Variants in IGSF5 observed in about 807,000 individuals in gnomAD.
The protein encoded by IGSF5 is immunoglobulin superfamily member 5, also known as immunoglobulin superfamily 5 like.
A neutral mutation model predicts 39.4 loss-of-function variants in IGSF5; 41 were observed. The ratio of observed to expected loss-of-function variants is 1.04; its 90% CI spans 0.81 to 1.35. The LOEUF is 1.35. Among genes scored for constraint, IGSF5 ranks in the 40% most tolerant of loss-of-function variants. The pLI, the probability that IGSF5 is intolerant of heterozygous loss-of-function variation, is 0.00. For missense variants in IGSF5, 487 were observed against 494.6 expected (o/e 0.98, Z 0.15); for synonymous variants, 183 against 175.3 (o/e 1.04, Z -0.34).
At chr21:39,725,470 C>T in the IGSF5 span, among the ~76,000 whole-genome samples, 1 of 152,164 alleles carries the variant, frequency 6.6e-6, no homozygotes, top group Non-Finnish European at 1.5e-5. Context: ...AGCAGCAGGG[C>T]CTCTTTCTTC....
At chr21:39,773,816 A>G (rs2080126680) in intron 4 of IGSF5, among the ~76,000 whole-genome samples, 1 of 152,230 alleles carries the variant, frequency 6.6e-6, no homozygotes, top group Non-Finnish European at 1.5e-5. Context: ...CATTAGCACC[A>G]AATGGAATAA....
intron 2 of IGSF5, among the ~76,000 whole-genome samples, chr21:39,749,972 A>T (rs2079996761): frequency 6.6e-6 from 1 of 152,228 alleles, no homozygotes; most frequent in African/African-American, 2.4e-5. Context: ...TGCCAGGGTG[A>T]AATTCAACGG....
chr21:39,745,546 C>A lies in IGSF5; in HGVS notation c.17+20C>A, dbSNP rs754753573. 2 of 716,754 alleles carry A rather than the reference C, an allele frequency of 2.8e-6. No individual in the cohort carries two copies. Among genetic ancestry groups the A allele is most frequent in the East Asian group, 2.7e-5 (1 of 37,264 alleles). The allele number at this position is 716,754 out of a possible 1,614,324, so 44.4% of individuals were successfully genotyped here. A position where few individuals can be genotyped will look rare whatever the true frequency, so the allele number is the denominator to read the frequency against. Reference sequence around the variant, plus strand: ...GGAAAGGTAAGGGCGCATGCGTGGGCGACTGTTGAGTAGAGACTTCTGGCT... The same window carrying A: ...GGAAAGGTAAGGGCGCATGCGTGGGAGACTGTTGAGTAGAGACTTCTGGCT... On this transcript the variant is annotated intron_variant, in intron 1 of 8. Coordinates refer to ENST00000380588, the MANE Select transcript of IGSF5 (RefSeq NM_001080444.2).
At chr21:39,780,868 C>T (rs1021051473) in intron 5 of IGSF5, among the ~76,000 whole-genome samples, 2 of 152,156 alleles carry the variant, frequency 1.3e-5, no homozygotes, top group African/African-American at 4.8e-5. Flanking sequence ...TACCTTTCTT[C>T]CTTTTGTTAA....
At chr21:39,714,037 G>A in the IGSF5 span, among the ~76,000 whole-genome samples, 14 of 152,338 alleles carry the variant, frequency 9.2e-5, no homozygotes, top group African/African-American at 3.4e-4. Flanking sequence ...CATCGCCCTG[G>A]GAAGAGCTGT....
intron 2 of IGSF5, among the ~76,000 whole-genome samples, chr21:39,748,597 G>T (rs2079988034): frequency 6.6e-6 from 1 of 152,062 alleles, no homozygotes; most frequent in Non-Finnish European, 1.5e-5. Context: ...AAGGACCTGA[G>T]TCCCATCACG....
At chr21:39,761,819 C>G (rs557823022) in intron 2 of IGSF5, among the ~76,000 whole-genome samples, 93 of 152,272 alleles carry the variant, frequency 6.1e-4, no homozygotes, top group African/African-American at 2.2e-3. Flanking sequence ...CAGGCACATG[C>G]TAACACACAC....
chr21:39,747,925 C>T (rs374589361), intron 2 of IGSF5, among the ~76,000 whole-genome samples: 4 of 143,180 alleles, frequency 2.8e-5, no homozygotes, highest in Non-Finnish European at 4.5e-5. Context: ...ACAGAGTGCA[C>T]ATGAAAAACT....
intron 2 of IGSF5, among the ~76,000 whole-genome samples, chr21:39,752,277 CTGAGTTACTT>C (rs1180199902): frequency 6.6e-6 from 1 of 152,132 alleles, no homozygotes; most frequent in Non-Finnish European, 1.5e-5. Context: ...TTTTCCATTC[CTGAGTTACTT>C]CACTTAGAAT....
chr21:39,765,778 C>T lies in IGSF5; in HGVS notation c.344C>T (p.Pro115Leu). 6.2e-7 allele frequency: 1 copy of T among 1,614,084 alleles called. No homozygotes were observed. The stretch of plus-strand genomic sequence containing the variant: ...GAGATGATCATCCACAATGTGGAGC[C>T]CAGTGATTCGGGGAACATCAGATGC... ...TSEMIIHNVE[P>L]SDSGNIRCSL... is the part of the protein sequence containing the mutation. The change falls in exon 3 of 9, where the codon CCC becomes CTC. Residue 115 changes from proline to leucine, a missense_variant. Transcript: ENST00000380588.
intron 4 of IGSF5, among the ~76,000 whole-genome samples, chr21:39,771,731 G>C (rs2080115698): frequency 6.6e-6 from 1 of 152,180 alleles, no homozygotes; most frequent in African/African-American, 2.4e-5. Flanking sequence ...CTAAATGACA[G>C]AACTTTAAAG....
At chr21:39,767,400 G>T (rs911653499) in intron 3 of IGSF5, among the ~76,000 whole-genome samples, 8 of 152,180 alleles carry the variant, frequency 5.3e-5, no homozygotes, top group Non-Finnish European at 1.2e-4. Context: ...TGGTCTAGTG[G>T]TCAGGAGTGC....
chr21:39,713,087 A>G, the IGSF5 span, among the ~76,000 whole-genome samples: 6 of 152,200 alleles, frequency 3.9e-5, no homozygotes, highest in Non-Finnish European at 5.9e-5. Context: ...CCCATCTGCC[A>G]TCTGTGAACC....
At chr21:39,714,271 G>A in the IGSF5 span, among the ~76,000 whole-genome samples, 1 of 152,220 alleles carries the variant, frequency 6.6e-6, no homozygotes, top group Non-Finnish European at 1.5e-5. Flanking sequence ...TGGCTTGGAA[G>A]CAGCCTGATT....
At chr21:39,760,426 A>T (rs892434581) in intron 2 of IGSF5, among the ~76,000 whole-genome samples, 1 of 152,200 alleles carries the variant, frequency 6.6e-6, no homozygotes, top group African/African-American at 2.4e-5. Flanking sequence ...GGGGTTAGAG[A>T]CTGCATTGCA....
intron 2 of IGSF5, among the ~76,000 whole-genome samples, chr21:39,746,682 TTAACAC>T (rs72380531): frequency 0.73 from 109,225 of 148,804 alleles, 41,561 homozygotes; most frequent in Non-Finnish European, 0.84. Flanking sequence ...CAGTTAACAG[TTAACAC>T]AGCTCACGGG....
intron 8 of IGSF5, among the ~76,000 whole-genome samples, chr21:39,798,122 CAG>C (rs1456725300): frequency 6.6e-6 from 1 of 152,148 alleles, no homozygotes; most frequent in Non-Finnish European, 1.5e-5. Context: ...CATCAGGACT[CAG>C]AGGGCTGAGG....
At chr21:39,748,295 CA>C (rs1330690211) in intron 2 of IGSF5, among the ~76,000 whole-genome samples, 7 of 85,114 alleles carry the variant, frequency 8.2e-5, no homozygotes, top group Non-Finnish European at 1.9e-4. Flanking sequence ...GAAGAGAAAA[CA>C]AGATCTTTTT....
chr21:39,742,585 G>C (rs2079953065), upstream of IGSF5, among the ~76,000 whole-genome samples: 1 of 152,202 alleles, frequency 6.6e-6, no homozygotes, highest in African/African-American at 2.4e-5. Flanking sequence ...CTGGGGCAGT[G>C]GGCCTTCCAG....
Sources: gnomAD v4.1 joint callset for allele counts (sites outside exome capture counted in the v4.1 genomes callset) on GRCh38, gnomAD v4.1.1 for gene constraint, MANE v1.5 for transcripts, NCBI Gene and HGNC (gene_info 2026-07-23, HGNC 2026-07-21) for gene names.